The following TBC1D31 variants were observed in gnomAD, a reference collection of about 807,000 sequenced individuals.
TBC1D31 encodes the protein WD repeat domain 67.
A neutral mutation model predicts 132.9 loss-of-function variants in TBC1D31; 99 were observed. The ratio of observed to expected loss-of-function variants is 0.74; its 90% CI spans 0.63 to 0.88. TBC1D31 has a LOEUF of 0.88. TBC1D31 is among the 40% of genes least tolerant of loss of function. The pLI is 0.00. For missense variants in TBC1D31, 1,134 were observed against 1,256.6 expected (o/e 0.90, Z 1.48); for synonymous variants, 385 against 419.4 (o/e 0.92, Z 1.00).
intron 13 of TBC1D31, 83 bp downstream of exon 13, chr8:123,126,770 C>T: frequency 1.5e-6 from 2 of 1,308,522 alleles, no homozygotes; most frequent in South Asian, 3.0e-5. Context: ...GAGACAGAGT[C>T]TCGCTATGTT....
intron 18 of TBC1D31, among the ~76,000 whole-genome samples, chr8:123,141,694 T>C (rs767991844): frequency 6.6e-5 from 10 of 152,118 alleles, no homozygotes; most frequent in Non-Finnish European, 7.4e-5. Context: ...CCATTTTTTT[T>C]TAATAGGCTT....
In TBC1D31 at chr8:123,077,495, C is replaced by CT. The variant is rs143914636; in HGVS notation, c.224+248dup. Among the ~76,000 whole-genome samples, 28 of 146,014 alleles carry CT rather than the reference C, an allele frequency of 1.9e-4. No individual in the cohort carries two copies. The East Asian group carries it at 2.2e-3, about 11-fold the overall frequency. ...TTTTAATAGTATCTCTAGTAGTTTC[C>CT]TTTTTTTTTTCTTAAATTTAAAAAT... On this transcript the variant is annotated intron_variant, in intron 2 of 21. Coordinates refer to ENST00000287380, the MANE Select transcript of TBC1D31 (RefSeq NM_145647.4).
chr8:123,118,923 G>C (rs1050094687), intron 10 of TBC1D31, among the ~76,000 whole-genome samples: 1 of 152,104 alleles, frequency 6.6e-6, no homozygotes, highest in African/African-American at 2.4e-5. Flanking sequence ...ATGAGGTCTC[G>C]CTCTGTTGTC....
chr8:123,130,383 C>T (rs751909979), intron 16 of TBC1D31, 50 bp downstream of exon 16: 1 of 1,522,644 alleles, frequency 6.6e-7, no homozygotes, highest in Admixed American at 1.9e-5. Flanking sequence ...TTTACTCTCA[C>T]TTAAATGTAA....
At chr8:123,124,967 C>T (rs1819895275) in intron 11 of TBC1D31, among the ~76,000 whole-genome samples, 1 of 150,158 alleles carries the variant, frequency 6.7e-6, no homozygotes, top group African/African-American at 2.4e-5. Context: ...TTAAGAGCTA[C>T]AGAGAATTTG....
chr8:123,109,411 C>A lies in TBC1D31; in HGVS notation c.1289+15C>A. 1 of 1,607,706 alleles carries A rather than the reference C, an allele frequency of 6.2e-7. No individual in the cohort carries two copies. Among genetic ancestry groups the A allele is most frequent in the Non-Finnish European group, 8.5e-7 (1 of 1,176,162 alleles). On this transcript the variant is annotated intron_variant, in intron 9 of 21. Coordinates refer to ENST00000287380, the MANE Select transcript of TBC1D31 (RefSeq NM_145647.4). ...ACAAAATACAGGTACAATTTAAATT[C>A]TGTATGTTACATCAGTTTTACTCAA...
At chr8:123,143,232 AT>A (rs560405787) in intron 19 of TBC1D31, among the ~76,000 whole-genome samples, 105 of 152,294 alleles carry the variant, frequency 6.9e-4, no homozygotes, top group Non-Finnish European at 1.3e-3. Flanking sequence ...GGAGTTCCAT[AT>A]CATATTTCAA....
intron 3 of TBC1D31, 79 bp from the exon 4 acceptor site, chr8:123,084,083 C>T: frequency 8.1e-7 from 1 of 1,235,524 alleles, no homozygotes; most frequent in Non-Finnish European, 1.2e-6. Context: ...TGCATCAGTT[C>T]ATCTATGGTG....
intron 8 of TBC1D31, among the ~76,000 whole-genome samples, chr8:123,107,415 T>C (rs1265984304): frequency 1.3e-5 from 2 of 152,266 alleles, no homozygotes; most frequent in African/African-American, 4.8e-5. Flanking sequence ...GTGTTAATTA[T>C]GCCGTTGATT....
At chr8:123,108,522 G>T (rs2891695) in intron 8 of TBC1D31, among the ~76,000 whole-genome samples, 47,275 of 151,826 alleles carry the variant, frequency 0.31, 7,489 homozygotes, top group African/African-American at 0.36. Flanking sequence ...GGGGAGGAGC[G>T]GTCAGAGTGG....
Position 123,096,898 on chromosome 8 carries a change from C to T in TBC1D31, c.672-384C>T, listed in dbSNP as rs568394620. Among the ~76,000 whole-genome samples, 7 of 151,846 alleles carry T rather than the reference C, an allele frequency of 4.6e-5. No individual in the cohort carries two copies. In the East Asian group the frequency reaches 5.8e-4, roughly 13 times the overall value. ...GTACCACCAATTCTATATAGCTGTA[C>T]GTGAAATATAGAAAGTTGGATAGTG... On this transcript the variant is annotated intron_variant, in intron 5 of 21. Transcript: ENST00000287380.
At position 123,072,985 on chromosome 8, in the gene TBC1D31, C is replaced by T. The variant is rs188623434; in HGVS notation, c.77+139C>T. ...CTGGGTTGGATGACCTGCGGTGGAA[C>T]AGATGGCTCCGGACGCCAGGGTCCG... On this transcript the variant is annotated intron_variant, in intron 1 of 21. Transcript: ENST00000287380. 3.3e-5 allele frequency: 27 copies of T among 813,028 alleles called. No homozygotes were observed. The African/African-American group carries it at 4.2e-4, about 13-fold the overall frequency. The allele number at this position is 813,028 out of a possible 1,614,324, so 50.4% of individuals were successfully genotyped here.
intron 4 of TBC1D31, among the ~76,000 whole-genome samples, chr8:123,086,324 A>G (rs1478735959): frequency 6.6e-6 from 1 of 152,132 alleles, no homozygotes; most frequent in Non-Finnish European, 1.5e-5. Flanking sequence ...AACTTTCCAT[A>G]CATTATCTCA....
At chr8:123,115,307 G>T (rs952657) in intron 10 of TBC1D31, among the ~76,000 whole-genome samples, 9,706 of 152,240 alleles carry the variant, frequency 0.064, 470 homozygotes, top group Admixed American at 0.15. Flanking sequence ...ATCCTTAGGA[G>T]AATATGTTCT....
chr8:123,142,621 C>A (rs764663461), intron 19 of TBC1D31, among the ~76,000 whole-genome samples, 165 bp downstream of exon 19: 2 of 151,770 alleles, frequency 1.3e-5, no homozygotes, highest in Non-Finnish European at 2.9e-5. Context: ...GACGTCAGCC[C>A]CTTTATCCAG....
intron 11 of TBC1D31, among the ~76,000 whole-genome samples, chr8:123,122,955 A>G (rs530136040): frequency 6.6e-6 from 1 of 152,336 alleles, no homozygotes; most frequent in Non-Finnish European, 1.5e-5. Flanking sequence ...AACATTTATT[A>G]AAGAGTAACA....
chr8:123,099,277 G>A (rs902261020), intron 6 of TBC1D31, among the ~76,000 whole-genome samples: 2 of 151,926 alleles, frequency 1.3e-5, no homozygotes, highest in Non-Finnish European at 2.9e-5. Context: ...CTGCCACCAC[G>A]CCCGGCTAAT....
intron 11 of TBC1D31, chr8:123,123,660 T>A (rs1383572212): frequency 1.3e-5 from 2 of 152,968 alleles, no homozygotes; most frequent in East Asian, 3.9e-4. Flanking sequence ...AGGAGGAGGA[T>A]GAGGAAGATC....
rs150743619 is a variant in TBC1D31, at chr8:123,144,784, C to T, written c.2903C>T (p.Ala968Val). The T allele has an allele frequency of 2.4e-5, 39 of 1,613,410 alleles. No homozygotes were observed. Among genetic ancestry groups the T allele is most frequent in the Non-Finnish European group, 1.5e-5 (18 of 1,179,772 alleles). The part of the protein sequence containing the change: ...SAKKASALSD[A>V]SRKWFLKQEI... ...AAGAAAGCTTCTGCTCTTTCAGATG[C>T]GTCTAGAAAGTGGTTTTTAAAGCAA... The change falls in exon 20 of 22, where the codon GCG becomes GTG. Residue 968 changes from alanine (A) to valine (V), a missense_variant. Coordinates refer to ENST00000287380, the MANE Select transcript of TBC1D31 (RefSeq NM_145647.4).
Sources: gnomAD v4.1 joint callset for allele counts (sites outside exome capture counted in the v4.1 genomes callset) on GRCh38, gnomAD v4.1.1 for gene constraint, MANE v1.5 for transcripts, NCBI Gene and HGNC (gene_info 2026-07-23, HGNC 2026-07-21) for gene names.